Variants in CNBD1 observed in about 807,000 individuals in gnomAD.
CNBD1 encodes cyclic nucleotide-binding domain-containing protein 1.
In CNBD1, 71 loss-of-function variants were observed where a neutral mutation model predicts 54.4. The ratio of observed to expected loss-of-function variants is 1.30; its 90% CI spans 1.08 to 1.59. The LOEUF is 1.59. Among genes scored for constraint, CNBD1 ranks in the 40% most tolerant of loss-of-function variants. The pLI is 0.00. For synonymous variants in CNBD1, 182 were observed against 170.7 expected (o/e 1.07, Z -0.51); for missense variants, 659 against 518.0 (o/e 1.27, Z -2.64).
At chr8:87,282,335 T>C (rs1482545665) in intron 6 of CNBD1, among the ~76,000 whole-genome samples, 4 of 151,732 alleles carry the variant, frequency 2.6e-5, no homozygotes, top group Non-Finnish European at 4.4e-5. Flanking sequence ...TCAATAATGC[T>C]ATTTACATTT....
At chr8:87,078,702 G>A (rs1054919153) in intron 4 of CNBD1, among the ~76,000 whole-genome samples, 1 of 152,074 alleles carries the variant, frequency 6.6e-6, no homozygotes, top group Non-Finnish European at 1.5e-5. Flanking sequence ...GAGCATCACA[G>A]GAAAAGAAAA....
intron 2 of CNBD1, among the ~76,000 whole-genome samples, chr8:87,423,429 T>C (rs930877996): frequency 3.3e-5 from 5 of 151,956 alleles, no homozygotes; most frequent in East Asian, 1.9e-4. Flanking sequence ...AGATAGCTCT[T>C]ATTATTTTGA....
chr8:87,411,425 T>TATATATATATATATATATATA, intron 2 of CNBD1, among the ~76,000 whole-genome samples: 1 of 142,706 alleles, frequency 7.0e-6, no homozygotes, highest in Non-Finnish European at 1.5e-5. Context: ...TATATATATA[T>TATATATATATATATATATATA]ATTTCATTCA....
chr8:86,904,494 G>A (rs894347381), intron 2 of CNBD1, among the ~76,000 whole-genome samples: 1 of 151,960 alleles, frequency 6.6e-6, no homozygotes, highest in Non-Finnish European at 1.5e-5. Flanking sequence ...GTCATCCTGA[G>A]GAATAGATTT....
intron 6 of CNBD1, among the ~76,000 whole-genome samples, chr8:87,279,554 A>G (rs1808551693): frequency 6.6e-6 from 1 of 151,410 alleles, no homozygotes; most frequent in African/African-American, 2.4e-5. Flanking sequence ...TATACTAACC[A>G]GAAGGCCAAA....
At chr8:87,364,898 G>A (rs1179657660) in intron 10 of CNBD1, among the ~76,000 whole-genome samples, 1 of 152,066 alleles carries the variant, frequency 6.6e-6, no homozygotes, top group Non-Finnish European at 1.5e-5. Context: ...ATTGTAGATG[G>A]GCATTTAGGT....
rs1225942107 is a variant in CNBD1, at chr8:86,988,281, T to C, written c.431+48527T>C. 2.0e-5 allele frequency among the ~76,000 whole-genome samples: 3 copies of C among 152,136 alleles called. No homozygotes were observed. The East Asian group carries it at 5.8e-4, about 29-fold the overall frequency. ...TATCTATTTCCACTAGGTTTTCTAA[T>C]TTGCGTGCATTCAGTTGGTCATAAT... On this transcript the variant is annotated intron_variant, in intron 4 of 10. Coordinates refer to ENST00000518476, the MANE Select transcript of CNBD1 (RefSeq NM_173538.3).
intron 4 of CNBD1, among the ~76,000 whole-genome samples, chr8:87,121,086 A>G (rs1281047221): frequency 6.6e-6 from 1 of 151,882 alleles, no homozygotes; most frequent in African/African-American, 2.4e-5. Context: ...ATACAGAGTT[A>G]TTCAGATTTT....
chr8:86,894,794 A>G (rs1808825970), intron 2 of CNBD1, among the ~76,000 whole-genome samples: 1 of 152,114 alleles, frequency 6.6e-6, no homozygotes, highest in Non-Finnish European at 1.5e-5. Flanking sequence ...TACTGTATAT[A>G]TTATTTTCAG....
intron 8 of CNBD1, among the ~76,000 whole-genome samples, chr8:87,329,231 G>A (rs1809759796): frequency 1.3e-5 from 2 of 152,070 alleles, no homozygotes; most frequent in Non-Finnish European, 2.9e-5. Flanking sequence ...CTATTTTTAT[G>A]TGAGTTCATT....
At chr8:87,408,234 G>T (rs1382366903) in intron 2 of CNBD1, among the ~76,000 whole-genome samples, 1 of 151,742 alleles carries the variant, frequency 6.6e-6, no homozygotes, top group Non-Finnish European at 1.5e-5. Flanking sequence ...TTCTATGTTT[G>T]TCAGACCTTT....
intron 4 of CNBD1, among the ~76,000 whole-genome samples, chr8:87,110,017 C>G (rs1354838418): frequency 6.6e-6 from 1 of 152,092 alleles, no homozygotes. Flanking sequence ...ACAGCTAAAC[C>G]ATTTGCCACT....
chr8:87,099,399 A>C (rs2130691010), intron 4 of CNBD1, among the ~76,000 whole-genome samples: 1 of 152,174 alleles, frequency 6.6e-6, no homozygotes, highest in East Asian at 1.9e-4. Flanking sequence ...ATATTATCTG[A>C]TTTATACTTC....
chr8:87,416,943 A>G (rs1330345335), intron 2 of CNBD1, among the ~76,000 whole-genome samples: 1 of 152,064 alleles, frequency 6.6e-6, no homozygotes, highest in Non-Finnish European at 1.5e-5. Flanking sequence ...TTTATCCCAG[A>G]AATGCAGTCT....
At chr8:86,952,985 A>G (rs1166862364) in intron 4 of CNBD1, among the ~76,000 whole-genome samples, 3 of 152,228 alleles carry the variant, frequency 2.0e-5, no homozygotes, top group East Asian at 3.8e-4. Flanking sequence ...GGAATTAAAT[A>G]GTATTATTAT....
chr8:86,898,225 T>C (rs754901719), intron 2 of CNBD1, among the ~76,000 whole-genome samples: 9 of 152,112 alleles, frequency 5.9e-5, no homozygotes, highest in Non-Finnish European at 1.0e-4. Context: ...CAAAAAAGAT[T>C]AAAAGAATAT....
At chr8:87,333,067 C>T (rs1022094862) in intron 8 of CNBD1, among the ~76,000 whole-genome samples, 1 of 152,174 alleles carries the variant, frequency 6.6e-6, no homozygotes, top group Non-Finnish European at 1.5e-5. Flanking sequence ...GTTTGTAGTT[C>T]TCCTTGAAGA....
At chr8:87,373,512 G>C (rs1325272748) in intron 10 of CNBD1, among the ~76,000 whole-genome samples, 1 of 151,738 alleles carries the variant, frequency 6.6e-6, no homozygotes, top group Non-Finnish European at 1.5e-5. Context: ...TTATACTCTT[G>C]TAATTATGAT....
chr8:87,424,753 C>A (rs113015018), intron 2 of CNBD1, among the ~76,000 whole-genome samples: 2,754 of 152,194 alleles, frequency 0.018, 82 homozygotes, highest in African/African-American at 0.06. Context: ...TGCCCTTAAC[C>A]TTTTTTCCTT....
Sources: gnomAD v4.1 joint callset for allele counts (sites outside exome capture counted in the v4.1 genomes callset) on GRCh38, gnomAD v4.1.1 for gene constraint, MANE v1.5 for transcripts, NCBI Gene and HGNC (gene_info 2026-07-23, HGNC 2026-07-21) for gene names.